CCNYL1: variants seen among roughly 807,000 people sequenced by gnomAD.
The protein encoded by CCNYL1 is cyclin Y like 1.
In CCNYL1, 16 loss-of-function variants were observed where a neutral mutation model predicts 44.2. The observed-to-expected ratio is 0.36, with a 90% confidence interval of 0.25 to 0.55. The LOEUF (loss-of-function observed/expected upper bound fraction) is 0.55. Among genes scored for constraint, CCNYL1 ranks in the 20% least tolerant of loss-of-function variants. The pLI, the probability that CCNYL1 is intolerant of heterozygous loss-of-function variation, is 0.85. For synonymous variants in CCNYL1, 159 were observed against 163.2 expected (o/e 0.97, Z 0.20); for missense variants, 348 against 451.8 (o/e 0.77, Z 2.08).
At chr2:207,721,915 G>A (rs2091643290) in intron 1 of CCNYL1, among the ~76,000 whole-genome samples, 1 of 151,742 alleles carries the variant, frequency 6.6e-6, no homozygotes, top group African/African-American at 2.4e-5. Context: ...TTCTCCTTTG[G>A]TTCTTGGGAA....
Position 207,751,082 on chromosome 2 carries a change from T to G in CCNYL1, c.932T>G (p.Phe311Cys), listed in dbSNP as rs774435893. 1.2e-6 allele frequency: 2 copies of G among 1,614,030 alleles called. No homozygotes were observed. The highest frequency in any genetic ancestry group is 1.3e-5 in the African/African-American group (1 of 74,930). The change falls in exon 9 of 10, where the codon TTT becomes TGT. Residue 311 changes from phenylalanine to cysteine, a missense_variant. Physicochemically the swap from Phe to Cys is radical, Grantham distance 205. Around this residue, in one of 3 missense-constraint regions of CCNYL1, gnomAD observed 94 missense variants for 102.4 expected, o/e 0.92. Coordinates refer to ENST00000295414, the MANE Select transcript of CCNYL1 (RefSeq NM_001330218.2). ...LADDNNLNFLFAPLSKERAQN... is the reference protein window; with the variant it reads ...LADDNNLNFLCAPLSKERAQN... ...GATGACAACAACCTGAATTTTCTAT[T>G]TGCTCCTCTTAGCAAAGAAAGAGCA...
At chr2:207,742,410 T>C in intron 7 of CCNYL1, 68 bp downstream of exon 7, 1 of 1,404,950 alleles carries the variant, frequency 7.1e-7, no homozygotes, top group Non-Finnish European at 9.5e-7. Flanking sequence ...GGTCCTATTT[T>C]TCAAATAAAA....
rs1270490247 is a variant in CCNYL1, at chr2:207,753,720, A to C, written c.*22A>C. 2 of 1,414,038 alleles carry C rather than the reference A, an allele frequency of 1.4e-6. No homozygotes were observed. Among genetic ancestry groups the C allele is most frequent in the Admixed American group, 3.5e-5 (2 of 56,980 alleles). 87.6% of individuals were successfully genotyped at this position (1,414,038 alleles called of 1,614,324 possible). A position where few individuals can be genotyped will look rare whatever the true frequency, so the allele number is the denominator to read the frequency against. Reference sequence around the variant, plus strand: ...TTAAAAGGAGAAATGAGGGGTTATAACGTCATGGGACCTTCATCTACAAAG... The same window carrying C: ...TTAAAAGGAGAAATGAGGGGTTATACCGTCATGGGACCTTCATCTACAAAG... On this transcript the variant is annotated 3_prime_UTR_variant, in exon 10 of 10. Coordinates refer to ENST00000295414, the MANE Select transcript of CCNYL1 (RefSeq NM_001330218.2).
chr2:207,720,393 C>CTT (rs1257858381), intron 1 of CCNYL1, among the ~76,000 whole-genome samples: 4 of 140,094 alleles, frequency 2.9e-5, no homozygotes, highest in Non-Finnish European at 3.1e-5. Context: ...GTAACCCAGA[C>CTT]TTTTTTTTTT....
chr2:207,715,449 G>A (rs1395716405), intron 1 of CCNYL1, among the ~76,000 whole-genome samples: 2 of 122,294 alleles, frequency 1.6e-5, no homozygotes, highest in African/African-American at 3.2e-5. Context: ...GCACAAACTT[G>A]GTTCAGTGCA....
intron 8 of CCNYL1, among the ~76,000 whole-genome samples, chr2:207,749,834 A>T (rs2091879169): frequency 6.6e-6 from 1 of 152,240 alleles, no homozygotes; most frequent in African/African-American, 2.4e-5. Flanking sequence ...ACTGCTCTCC[A>T]TACAGGAGAT....
At chr2:207,732,505 A>C (rs1291604145) in intron 3 of CCNYL1, among the ~76,000 whole-genome samples, 1 of 152,162 alleles carries the variant, frequency 6.6e-6, no homozygotes, top group Non-Finnish European at 1.5e-5. Context: ...CCTGTCTTTC[A>C]TGTATATGTG....
intron 7 of CCNYL1, among the ~76,000 whole-genome samples, chr2:207,744,357 T>TTTTGTTTTG (rs1190676811): frequency 6.6e-6 from 1 of 151,636 alleles, no homozygotes; most frequent in Non-Finnish European, 1.5e-5. Context: ...AGGAAGGTTT[T>TTTTGTTTTG]TTTTGTTTTG....
Position 207,724,819 on chromosome 2 carries a change from C to A in CCNYL1, c.240C>A (p.Asn80Lys). Residue 80 changes from asparagine (N) to lysine (K), a missense_variant, in exon 2 of 10, where the codon AAC (asparagine) becomes AAA (lysine). Asn to Lys is a moderately conservative substitution (Grantham distance 94). Coordinates refer to ENST00000295414, the MANE Select transcript of CCNYL1 (RefSeq NM_001330218.2). ...CTATAGATTTAGCTTTGGAGTCAAA[C>A]CCTTCTGACCATCCAAGGGCAAGCA... ...EMPEDLALES[N>K]PSDHPRASTI... 1 of 1,613,510 alleles carries A rather than the reference C, an allele frequency of 6.2e-7. No homozygotes were observed. The highest frequency in any genetic ancestry group is 1.7e-5 in the Admixed American group (1 of 59,950).
intron 1 of CCNYL1, among the ~76,000 whole-genome samples, chr2:207,715,710 C>T (rs1316808138): frequency 7.7e-6 from 1 of 130,692 alleles, no homozygotes; most frequent in African/African-American, 3.0e-5. Flanking sequence ...GAGTTTCGCT[C>T]TTGTTGCTCA....
At chr2:207,730,073 TG>T (rs1173911342) in intron 3 of CCNYL1, among the ~76,000 whole-genome samples, 1 of 152,136 alleles carries the variant, frequency 6.6e-6, no homozygotes, top group African/African-American at 2.4e-5. Flanking sequence ...ATTTTCTACC[TG>T]GGGAGTACAA....
intron 9 of CCNYL1, 61 bp from the exon 10 acceptor site, chr2:207,753,526 CT>C: frequency 8.9e-7 from 1 of 1,117,356 alleles, no homozygotes; most frequent in Non-Finnish European, 1.4e-6. Flanking sequence ...CAATGGTGCT[CT>C]TTCAAAGGCG....
intron 3 of CCNYL1, among the ~76,000 whole-genome samples, chr2:207,730,837 G>C (rs368943031): frequency 1.3e-5 from 2 of 152,100 alleles, no homozygotes; most frequent in East Asian, 3.8e-4. Flanking sequence ...TGTCAATCCT[G>C]TTGCCTGCTC....
chr2:207,742,094 T>G (rs2091816042), intron 6 of CCNYL1, 129 bp from the exon 7 acceptor site: 1 of 822,880 alleles, frequency 1.2e-6, no homozygotes, highest in African/African-American at 1.8e-5. Context: ...GAGGTTGCAG[T>G]GAGCCAAGAT....
intron 9 of CCNYL1, 72 bp from the exon 10 acceptor site, chr2:207,753,516 C>A: frequency 2.0e-6 from 2 of 1,005,508 alleles, no homozygotes; most frequent in Non-Finnish European, 3.1e-6. Context: ...GTGGCTTTCA[C>A]AATGGTGCTC....
intron 3 of CCNYL1, 76 bp from the exon 4 acceptor site, chr2:207,733,871 T>C (rs1304721891): frequency 2.2e-6 from 2 of 894,384 alleles, no homozygotes; most frequent in Non-Finnish European, 3.7e-6. Context: ...TCATTTGACA[T>C]TTTAACCAAG....
chr2:207,712,683 A>G (rs1047029702), intron 1 of CCNYL1, among the ~76,000 whole-genome samples: 1 of 152,292 alleles, frequency 6.6e-6, no homozygotes, highest in African/African-American at 2.4e-5. Context: ...TGGTATTCCT[A>G]ATAGGTTAAG....
chr2:207,728,316 C>T (rs1364641937), intron 3 of CCNYL1, among the ~76,000 whole-genome samples: 2 of 149,362 alleles, frequency 1.3e-5, no homozygotes, highest in Admixed American at 6.7e-5. Context: ...CACTCTGTTG[C>T]CCAAGCTGGA....
chr2:207,733,590 C>T (rs888279072), intron 3 of CCNYL1, among the ~76,000 whole-genome samples: 1 of 152,180 alleles, frequency 6.6e-6, no homozygotes, highest in Non-Finnish European at 1.5e-5. Context: ...TTACATTTTA[C>T]TGTAGTGAAG....
Sources: gnomAD v4.1 joint callset for allele counts (sites outside exome capture counted in the v4.1 genomes callset) on GRCh38, gnomAD v4.1.1 for gene constraint, gnomAD v4.1.1 regional missense constraint, MANE v1.5 for transcripts, NCBI Gene and HGNC (gene_info 2026-07-23, HGNC 2026-07-21) for gene names.